Variants in SLC39A11 observed in about 807,000 individuals in gnomAD.
SLC39A11 encodes the protein zinc transporter ZIP11.
Under a neutral mutation model 36.1 loss-of-function variants are expected in SLC39A11, and 33 were observed. The ratio of observed to expected loss-of-function variants is 0.91; its 90% CI spans 0.69 to 1.22. The LOEUF (loss-of-function observed/expected upper bound fraction) is 1.22. Among genes scored for constraint, SLC39A11 ranks in the 50% most tolerant of loss-of-function variants. SLC39A11 has a pLI of 0.00. For synonymous variants in SLC39A11, 166 were observed against 170.3 expected (o/e 0.97, Z 0.20); for missense variants, 432 against 430.3 (o/e 1.00, Z -0.03).
chr17:72,862,906 G>A (rs1441833829), intron 5 of SLC39A11, among the ~76,000 whole-genome samples: 4 of 152,050 alleles, frequency 2.6e-5, no homozygotes, highest in Non-Finnish European at 4.4e-5. Context: ...CCAAGTTAAC[G>A]ATATTTTACA....
intron 5 of SLC39A11, among the ~76,000 whole-genome samples, chr17:72,857,879 T>C (rs1290025628): frequency 1.3e-5 from 2 of 152,230 alleles, no homozygotes; most frequent in East Asian, 3.8e-4. Flanking sequence ...GGATATTATA[T>C]CTGTCAGATG....
intron 9 of SLC39A11, among the ~76,000 whole-genome samples, 171 bp from the exon 10 acceptor site, chr17:72,647,833 C>A (rs1205102989): frequency 1.3e-5 from 2 of 152,182 alleles, no homozygotes; most frequent in Non-Finnish European, 2.9e-5. Flanking sequence ...AACCATGGAA[C>A]CCCAAACAAC....
intron 6 of SLC39A11, among the ~76,000 whole-genome samples, chr17:72,847,075 CT>C (rs1311233187): frequency 7.9e-5 from 12 of 152,062 alleles, no homozygotes; most frequent in Non-Finnish European, 1.5e-4. Context: ...AAGACCCCAT[CT>C]TTATCTCAAG....
chr17:72,899,834 T>C (rs910881238), intron 5 of SLC39A11, among the ~76,000 whole-genome samples: 1 of 152,010 alleles, frequency 6.6e-6, no homozygotes, highest in Non-Finnish European at 1.5e-5. Flanking sequence ...TGGGGGCAGG[T>C]GCCTGTAATC....
At chr17:72,884,154 C>CA (rs951622851) in intron 5 of SLC39A11, among the ~76,000 whole-genome samples, 6 of 149,814 alleles carry the variant, frequency 4.0e-5, no homozygotes, top group East Asian at 1.9e-4. Context: ...GCTCTGTCTC[C>CA]AAAAAAAAGA....
At chr17:73,054,723 G>T (rs1043827812) in intron 3 of SLC39A11, among the ~76,000 whole-genome samples, 5 of 150,090 alleles carry the variant, frequency 3.3e-5, no homozygotes, top group Non-Finnish European at 5.9e-5. Flanking sequence ...CAAGAGAATC[G>T]CTTGAACCTG....
chr17:72,676,120 ACT>A (rs1027138924), intron 7 of SLC39A11, among the ~76,000 whole-genome samples: 62 of 150,904 alleles, frequency 4.1e-4, no homozygotes, highest in African/African-American at 1.3e-3. Flanking sequence ...TATTAAAGCA[ACT>A]CTCTTTTTTT....
At chr17:72,881,675 C>T (rs1001275032) in intron 5 of SLC39A11, among the ~76,000 whole-genome samples, 15 of 152,114 alleles carry the variant, frequency 9.9e-5, no homozygotes, top group Non-Finnish European at 1.6e-4. Flanking sequence ...TTGCAAAATA[C>T]GACAAAATCT....
rs895638783 is a variant in SLC39A11, at chr17:72,790,336, G to A, written c.602-53617C>T. 2.0e-5 allele frequency among the ~76,000 whole-genome samples: 3 copies of A among 152,246 alleles called. No homozygotes were observed. In the South Asian group the frequency reaches 6.2e-4, roughly 32 times the overall value. On this transcript the variant is annotated intron_variant, in intron 6 of 9. Transcript: ENST00000255559. ...ACAAACCATGTGACCTGGATAAACA[G>A]AACATGGTGAGGAAGTAGGCAGTGC...
chr17:72,722,530 T>A (rs374437123), intron 7 of SLC39A11, among the ~76,000 whole-genome samples: 28 of 152,266 alleles, frequency 1.8e-4, no homozygotes, highest in African/African-American at 6.5e-4. Flanking sequence ...AGGGAAAAAG[T>A]AAGGTCTTTG....
At chr17:72,835,194 GA>G (rs1425356685) in intron 6 of SLC39A11, among the ~76,000 whole-genome samples, 4 of 152,228 alleles carry the variant, frequency 2.6e-5, no homozygotes, top group Non-Finnish European at 5.9e-5. Flanking sequence ...GCTTCCCACT[GA>G]GATACTGATA....
intron 5 of SLC39A11, among the ~76,000 whole-genome samples, chr17:72,884,715 T>C (rs2081367613): frequency 6.6e-6 from 1 of 152,152 alleles, no homozygotes; most frequent in Non-Finnish European, 1.5e-5. Flanking sequence ...AACTGAAAAA[T>C]ATAAAATAGG....
At chr17:72,886,497 A>C (rs570283238) in intron 5 of SLC39A11, among the ~76,000 whole-genome samples, 1 of 152,086 alleles carries the variant, frequency 6.6e-6, no homozygotes, top group East Asian at 1.9e-4. Context: ...TCAGCTCAAC[A>C]TTCAACTCCG....
intron 4 of SLC39A11, among the ~76,000 whole-genome samples, chr17:72,953,314 G>A (rs2086003067): frequency 6.6e-6 from 1 of 152,076 alleles, no homozygotes; most frequent in African/African-American, 2.4e-5. Context: ...AAGAAGAATA[G>A]CACTTTCCAG....
chr17:72,949,019 A>G (rs2085641749), intron 4 of SLC39A11, among the ~76,000 whole-genome samples: 1 of 151,808 alleles, frequency 6.6e-6, no homozygotes, highest in Non-Finnish European at 1.5e-5. Context: ...TCATCCAAAC[A>G]CCTCAAAGCT....
intron 3 of SLC39A11, among the ~76,000 whole-genome samples, chr17:73,055,438 CTT>C (rs113094163): frequency 2.8e-5 from 4 of 143,214 alleles, no homozygotes; most frequent in African/African-American, 7.6e-5. Flanking sequence ...ACTTTTTTTT[CTT>C]TTTTTTTTTT....
At chr17:72,705,585 G>T (rs1346898784) in intron 7 of SLC39A11, among the ~76,000 whole-genome samples, 7 of 152,188 alleles carry the variant, frequency 4.6e-5, no homozygotes, top group African/African-American at 1.7e-4. Context: ...AACATCAAAG[G>T]TGTGGCACCC....
At position 73,065,640 on chromosome 17, in the gene SLC39A11, C is replaced by T. The variant is rs146413279; in HGVS notation, c.147+19168G>A. Among the ~76,000 whole-genome samples the T allele has an allele frequency of 4.6e-3, 694 of 152,294 alleles. 3 individuals are homozygous for T. Among genetic ancestry groups the T allele is most frequent in the Non-Finnish European group, 7.7e-3 (521 of 68,024 alleles). On this transcript the variant is annotated intron_variant, in intron 3 of 9. Coordinates refer to ENST00000255559, the MANE Select transcript of SLC39A11 (RefSeq NM_139177.4). ...CACCTCACCCAACAGCTAATTCTTG[C>T]TTCCAGAATAACACAGCCCTTGGAC...
intron 5 of SLC39A11, among the ~76,000 whole-genome samples, chr17:72,933,793 T>A (rs2084574518): frequency 6.6e-6 from 1 of 152,196 alleles, no homozygotes; most frequent in African/African-American, 2.4e-5. Context: ...GTGCTGGGAT[T>A]ACAGGCGTGA....
Sources: gnomAD v4.1 joint callset for allele counts (sites outside exome capture counted in the v4.1 genomes callset) on GRCh38, gnomAD v4.1.1 for gene constraint, MANE v1.5 for transcripts, NCBI Gene and HGNC (gene_info 2026-07-23, HGNC 2026-07-21) for gene names.